The following AMPH variants were observed in gnomAD, a reference collection of about 807,000 sequenced individuals.
AMPH encodes the protein amphiphysin.
Under a neutral mutation model 99.1 loss-of-function variants are expected in AMPH, and 49 were observed. The ratio of observed to expected loss-of-function variants is 0.49; its 90% CI spans 0.39 to 0.63. The LOEUF (loss-of-function observed/expected upper bound fraction) is 0.63. Ranked by LOEUF, AMPH falls within the 20% of genes least tolerant of loss-of-function variation. AMPH has a pLI of 0.00. For missense variants in AMPH, 759 were observed against 863.4 expected (o/e 0.88, Z 1.52); for synonymous variants, 314 against 317.3 (o/e 0.99, Z 0.11).
At position 38,615,217 on chromosome 7, in the gene AMPH, C is replaced by A. The variant is rs115770045; in HGVS notation, c.69+16066G>T. 6.9e-3 allele frequency among the ~76,000 whole-genome samples: 1,050 copies of A among 152,280 alleles called. 10 individuals carry two copies. Among genetic ancestry groups the A allele is most frequent in the African/African-American group, 0.023 (975 of 41,544 alleles). ...CATCTCTGTGCTTCAGTCTGTTCAT[C>A]TGTAAGATAGGGATAATAATAGCAC... On this transcript the variant is annotated intron_variant, in intron 1 of 20. Coordinates refer to ENST00000356264, the MANE Select transcript of AMPH (RefSeq NM_001635.4).
intron 1 of AMPH, among the ~76,000 whole-genome samples, chr7:38,630,472 T>C (rs903769845): frequency 2.0e-5 from 3 of 152,176 alleles, no homozygotes; most frequent in Non-Finnish European, 4.4e-5. Context: ...CGCAATTTAC[T>C]GAGGGACTTG....
chr7:38,602,959 C>G (rs914797593), intron 1 of AMPH, among the ~76,000 whole-genome samples: 1 of 152,014 alleles, frequency 6.6e-6, no homozygotes, highest in Non-Finnish European at 1.5e-5. Context: ...CTGAAAGTTG[C>G]CTGAGATTAA....
At chr7:38,437,708 G>A (rs1001082305) in intron 11 of AMPH, among the ~76,000 whole-genome samples, 1 of 151,822 alleles carries the variant, frequency 6.6e-6, no homozygotes, top group Non-Finnish European at 1.5e-5. Flanking sequence ...GGAGGCTGAG[G>A]CAGGAGAATC....
chr7:38,408,513 G>A (rs558205729), intron 17 of AMPH, among the ~76,000 whole-genome samples: 2 of 152,218 alleles, frequency 1.3e-5, no homozygotes, highest in African/African-American at 4.8e-5. Context: ...TGTAATCCCA[G>A]CACTTTGGGA....
intron 1 of AMPH, among the ~76,000 whole-genome samples, chr7:38,612,989 T>C (rs962329635): frequency 2.6e-5 from 4 of 152,158 alleles, no homozygotes; most frequent in African/African-American, 9.7e-5. Context: ...TTACATTCTA[T>C]GGAAATACTA....
At chr7:38,480,518 C>G (rs1205816904) in intron 5 of AMPH, among the ~76,000 whole-genome samples, 1 of 152,134 alleles carries the variant, frequency 6.6e-6, no homozygotes, top group Non-Finnish European at 1.5e-5. Flanking sequence ...CTATGCTATT[C>G]TTCTACACAC....
At chr7:38,385,874 G>A (rs1784335898) in intron 20 of AMPH, among the ~76,000 whole-genome samples, 1 of 152,200 alleles carries the variant, frequency 6.6e-6, no homozygotes, top group African/African-American at 2.4e-5. Flanking sequence ...CATAGGAAGT[G>A]CAAGGAGTGG....
chr7:38,564,929 C>G (rs1433656241), intron 1 of AMPH, among the ~76,000 whole-genome samples: 2 of 152,010 alleles, frequency 1.3e-5, no homozygotes, highest in East Asian at 1.9e-4. Context: ...TCGAGACCAT[C>G]CTGGCTAACA....
chr7:38,534,836 A>T (rs1344310255), intron 2 of AMPH, 95 bp downstream of exon 2: 7 of 1,034,770 alleles, frequency 6.8e-6, no homozygotes, highest in Non-Finnish European at 1.0e-5. Flanking sequence ...AACTCCATCT[A>T]GTCTTTTTTT....
rs75120189 is a variant in AMPH, at chr7:38,575,488, G to A, written c.70-40477C>T. Reference sequence around the variant, plus strand: ...ACCACATGGGAGGTGATTACATCATGGGGGCAGTTACCCTCATGCTATTCT... The same window carrying A: ...ACCACATGGGAGGTGATTACATCATAGGGGCAGTTACCCTCATGCTATTCT... On this transcript the variant is annotated intron_variant, in intron 1 of 20. Transcript: ENST00000356264. 2.0e-5 allele frequency among the ~76,000 whole-genome samples: 3 copies of A among 152,056 alleles called. No homozygotes were observed. In the East Asian group the frequency reaches 5.8e-4, roughly 29 times the overall value.
At chr7:38,396,880 A>G (rs1383551744) in intron 17 of AMPH, among the ~76,000 whole-genome samples, 3 of 152,232 alleles carry the variant, frequency 2.0e-5, no homozygotes, top group Non-Finnish European at 4.4e-5. Context: ...AGGACCTAAT[A>G]AAGTTTCTTC....
rs140024120 is a variant in AMPH at position 38,441,915 on chromosome 7, T to C, written c.1018-5527A>G. 4.1e-4 allele frequency among the ~76,000 whole-genome samples: 54 copies of C among 133,020 alleles called. 2 individuals are homozygous for C. In the East Asian group the frequency reaches 0.01, roughly 25 times the overall value. The allele number at this position is 133,020 out of a possible 152,430, so 87.3% of individuals were successfully genotyped here. A position where few individuals can be genotyped will look rare whatever the true frequency, so the allele number is the denominator to read the frequency against. ...CACACACACACACGCCATGGAATAC[T>C]ATGCAGCCATAAAAAGAATGAGATC... On this transcript the variant is annotated intron_variant, in intron 11 of 20. Transcript: ENST00000356264.
intron 12 of AMPH, 125 bp from the exon 13 acceptor site, chr7:38,432,337 A>G (rs7811601): frequency 0.81 from 647,873 of 802,104 alleles, 262,297 homozygotes; most frequent in Admixed American, 0.83. Context: ...CTGTTCAATA[A>G]AACTTTTTTT....
In AMPH at chr7:38,534,928, C is replaced by T. The variant is rs1790541100; in HGVS notation, c.150+3G>A. On this transcript the variant is annotated splice_donor_region_variant and intron_variant, in intron 2 of 20. Coordinates refer to ENST00000356264, the MANE Select transcript of AMPH (RefSeq NM_001635.4). Reference sequence around the variant, plus strand: ...ACTCCAGAAACTAAACAAATGGACTCACTTCTTGCCGTTTGAAGTTCTGGA... The same window carrying T: ...ACTCCAGAAACTAAACAAATGGACTTACTTCTTGCCGTTTGAAGTTCTGGA... 1.2e-6 allele frequency: 2 copies of T among 1,612,756 alleles called. No homozygotes were observed. The highest frequency in any genetic ancestry group is 1.7e-5 in the Admixed American group (1 of 59,972).
In AMPH at chr7:38,631,295, G is replaced by C; in HGVS notation, c.57C>G (p.Arg19=). The C allele has an allele frequency of 6.5e-7, 1 of 1,535,406 alleles. No individual in the cohort carries two copies. The highest frequency in any genetic ancestry group is 8.8e-7 in the Non-Finnish European group (1 of 1,141,646). ...FAKNVQKRLN[R]AQEKVLQKLG... ...GCCCGCCGCTGACCTTTTCCTGCGCGCGGTTGAGTCGCTTCTGGACGTTCT... is the reference window on the plus strand; with the variant it reads ...GCCCGCCGCTGACCTTTTCCTGCGCCCGGTTGAGTCGCTTCTGGACGTTCT... Residue 19 remains arginine (R), a synonymous_variant, in exon 1 of 21, where the codon CGC becomes CGG. Transcript: ENST00000356264.
In AMPH at chr7:38,592,454, C is replaced by T. The variant is rs965987583; in HGVS notation, c.69+38829G>A. On this transcript the variant is annotated intron_variant, in intron 1 of 20. Coordinates refer to ENST00000356264, the MANE Select transcript of AMPH (RefSeq NM_001635.4). The stretch of plus-strand genomic sequence containing the variant: ...TCAGTTAAAATTCAGTTTCTGGGCC[C>T]GGCATGTTGGCTCAAGCCTGTAATG... Among the ~76,000 whole-genome samples the T allele has an allele frequency of 3.3e-5, 5 of 152,166 alleles. No homozygotes were observed. The South Asian group carries it at 6.2e-4, about 19-fold the overall frequency.
chr7:38,596,750 A>G (rs1003771007), intron 1 of AMPH, among the ~76,000 whole-genome samples: 6 of 152,188 alleles, frequency 3.9e-5, no homozygotes, highest in African/African-American at 7.2e-5. Context: ...CCACTCCCAC[A>G]TGACAAATCT....
chr7:38,491,102 T>A lies in AMPH; in HGVS notation c.344A>T (p.Asp115Val). 1 of 1,613,198 alleles carries A rather than the reference T, an allele frequency of 6.2e-7. No homozygotes were observed. Among genetic ancestry groups the A allele is most frequent in the African/African-American group, 1.3e-5 (1 of 74,976 alleles). Residue 115 changes from aspartate to valine, a missense_variant, in exon 5 of 21, where the codon GAT becomes GTT. Asp to Val is a radical substitution (Grantham distance 152, BLOSUM62 -3). Coordinates refer to ENST00000356264, the MANE Select transcript of AMPH (RefSeq NM_001635.4). ...GGTATCCAGTGTTAGCAAGGACCCA[T>A]CCACGAGTTTTTGATGGAAGTCTTC... is the stretch of plus-strand genomic sequence containing the variant. Reference protein sequence around the residue: ...LWEDFHQKLVDGSLLTLDTYL... With the variant: ...LWEDFHQKLVVGSLLTLDTYL...
chr7:38,446,204 C>T (rs1178218819), intron 11 of AMPH, among the ~76,000 whole-genome samples: 3 of 152,130 alleles, frequency 2.0e-5, no homozygotes, highest in African/African-American at 7.2e-5. Flanking sequence ...AACTCTTATG[C>T]GATGCTGATG....
Sources: gnomAD v4.1 joint callset for allele counts (sites outside exome capture counted in the v4.1 genomes callset) on GRCh38, gnomAD v4.1.1 for gene constraint, MANE v1.5 for transcripts, NCBI Gene and HGNC (gene_info 2026-07-23, HGNC 2026-07-21) for gene names.